The following FAM135A variants were observed in gnomAD, a reference collection of about 807,000 sequenced individuals.
The protein encoded by FAM135A is family with sequence similarity 135 member A.
Under a neutral mutation model 146.8 loss-of-function variants are expected in FAM135A, and 79 were observed. The observed-to-expected ratio is 0.54, with a 90% CI of 0.45 to 0.65. The LOEUF is 0.65. Among genes scored for constraint, FAM135A ranks in the 30% least tolerant of loss-of-function variants. FAM135A has a pLI of 0.00. For missense variants in FAM135A, 1,623 were observed against 1,758.2 expected, an observed-to-expected ratio of 0.92 and a Z score of 1.38; for synonymous variants, 562 against 603.6, an observed-to-expected ratio of 0.93 and a Z score of 1.01.
intron 4 of FAM135A, among the ~76,000 whole-genome samples, chr6:70,429,734 A>T (rs1484265899): frequency 6.6e-6 from 1 of 152,166 alleles, no homozygotes; most frequent in Non-Finnish European, 1.5e-5. Context: ...GCACTTACTA[A>T]CATGATGGAT....
chr6:70,450,313 T>A (rs1457823862), intron 4 of FAM135A, among the ~76,000 whole-genome samples: 4 of 152,186 alleles, frequency 2.6e-5, no homozygotes, highest in African/African-American at 9.7e-5. Flanking sequence ...TTGCCTATGT[T>A]TTTGGGGTTA....
At chr6:70,423,288 A>G (rs909798663) in intron 2 of FAM135A, among the ~76,000 whole-genome samples, 3 of 152,248 alleles carry the variant, frequency 2.0e-5, no homozygotes, top group African/African-American at 7.2e-5. Context: ...ATTGGAAGCC[A>G]CAGAGGGTTT....
intron 10 of FAM135A, among the ~76,000 whole-genome samples, chr6:70,489,899 A>G (rs1785538673): frequency 6.6e-6 from 1 of 152,110 alleles, no homozygotes. Flanking sequence ...GCCCAACCAC[A>G]AGGCCAGGTA....
At chr6:70,464,449 T>C (rs1334391598) in intron 5 of FAM135A, among the ~76,000 whole-genome samples, 1 of 152,134 alleles carries the variant, frequency 6.6e-6, no homozygotes, top group African/African-American at 2.4e-5. Flanking sequence ...GTGAAAAAGA[T>C]TAATGTGGTT....
intron 12 of FAM135A, among the ~76,000 whole-genome samples, chr6:70,514,727 G>A (rs956965667): frequency 2.4e-4 from 36 of 152,298 alleles, no homozygotes; most frequent in Admixed American, 5.2e-4. Flanking sequence ...TGGAGACTCA[G>A]TATGGACAGA....
Position 70,533,827 on chromosome 6 carries a change from T to G in FAM135A, c.3938T>G (p.Ile1313Arg). Residue 1313 changes from isoleucine to arginine, a missense_variant, in exon 18 of 22, where the codon ATA becomes AGA. Around this residue, in one of 7 missense-constraint regions of FAM135A, gnomAD observed 1,061 missense variants for 1,113.8 expected, o/e 0.95. Coordinates refer to ENST00000418814, the MANE Select transcript of FAM135A (RefSeq NM_001162529.3). ...LLDEIIQYIQ[I>R]YSLTVSKISF... is the part of the protein sequence containing the mutation. ...GATGAGATAATACAGTATATTCAGA[T>G]ATATAGTCTAACAGTCTCAAAAATA... The G allele has an allele frequency of 1.3e-6, 2 of 1,555,182 alleles. No individual in the cohort carries two copies. Among genetic ancestry groups the G allele is most frequent in the Non-Finnish European group, 1.7e-6 (2 of 1,151,812 alleles).
chr6:70,445,245 AG>A (rs1256341665), intron 4 of FAM135A, among the ~76,000 whole-genome samples: 1 of 152,230 alleles, frequency 6.6e-6, no homozygotes, highest in Non-Finnish European at 1.5e-5. Flanking sequence ...GCTCAGCAGC[AG>A]GAATGAGTAG....
At chr6:70,508,768 C>T (rs1448792389) in intron 12 of FAM135A, among the ~76,000 whole-genome samples, 1 of 152,118 alleles carries the variant, frequency 6.6e-6, no homozygotes, top group African/African-American at 2.4e-5. Context: ...AGATGAAATG[C>T]AGAATGCCCA....
chr6:70,443,469 C>T (rs9455109), intron 4 of FAM135A, among the ~76,000 whole-genome samples: 3,242 of 152,288 alleles, frequency 0.021, 109 homozygotes, highest in African/African-American at 0.074. Flanking sequence ...GTATAGTCTA[C>T]GTGTGTAGTA....
At chr6:70,426,119 A>AC (rs1554261991) in intron 2 of FAM135A, among the ~76,000 whole-genome samples, 1 of 150,342 alleles carries the variant, frequency 6.7e-6, no homozygotes. Context: ...CAAAAAAAAA[A>AC]AACAACAACA....
chr6:70,423,094 A>G (rs1237448837), intron 2 of FAM135A, among the ~76,000 whole-genome samples: 1 of 152,200 alleles, frequency 6.6e-6, no homozygotes, highest in Non-Finnish European at 1.5e-5. Flanking sequence ...TCCTGTGGAT[A>G]TCTGGAGAGA....
At position 70,526,483 on chromosome 6, in the gene FAM135A, A is replaced by G. The variant is rs774784876; in HGVS notation, c.3399A>G (p.Ile1133Met). 6.2e-7 allele frequency: 1 copy of G among 1,613,626 alleles called. No individual in the cohort carries two copies. The highest frequency in any genetic ancestry group is 2.2e-5 in the East Asian group (1 of 44,864). The change falls in exon 15 of 22, where the codon ATA becomes ATG. Residue 1133 changes from isoleucine (I) to methionine (M), a missense_variant. Coordinates refer to ENST00000418814, the MANE Select transcript of FAM135A (RefSeq NM_001162529.3). ...MEERLTKSEK[I>M]NSDYLRDGIN... is the part of the protein sequence containing the mutation. ...AAAGACTTACAAAATCTGAAAAAAT[A>G]AACAGTGACTATCTGAGAGATGGTA...
chr6:70,414,270 C>G (rs1766998879), intron 1 of FAM135A, among the ~76,000 whole-genome samples: 2 of 152,194 alleles, frequency 1.3e-5, no homozygotes, highest in South Asian at 4.1e-4. Context: ...TCATCCACCT[C>G]CTTTCGGTAC....
Position 70,524,613 on chromosome 6 carries a change from T to TA in FAM135A, c.1533dup (p.Gln512ThrfsTer4). 6.5e-7 allele frequency: 1 copy of TA among 1,544,070 alleles called. No homozygotes were observed. Among genetic ancestry groups the TA allele is most frequent in the Non-Finnish European group, 8.7e-7 (1 of 1,145,106 alleles). ...AAATCTGAAAACACAAAAAAATTAA[T>TA]AAAACAGAACTCTAAGGATTCTGTG... On this transcript the variant is annotated frameshift_variant, in exon 15 of 22. Transcript: ENST00000418814. LOFTEE classifies it high-confidence loss of function.
intron 4 of FAM135A, among the ~76,000 whole-genome samples, chr6:70,436,985 GA>G (rs1333134608): frequency 6.6e-6 from 1 of 152,138 alleles, no homozygotes; most frequent in African/African-American, 2.4e-5. Flanking sequence ...ATGTCTATAT[GA>G]AAATCAAAAC....
chr6:70,538,795 ATTATG>A (rs61314918), intron 20 of FAM135A, among the ~76,000 whole-genome samples: 9,375 of 135,890 alleles, frequency 0.069, 570 homozygotes, highest in African/African-American at 0.15. Context: ...CTACCTTCAT[ATTATG>A]TTATGTTATA....
chr6:70,441,292 A>T (rs564173714), intron 4 of FAM135A, among the ~76,000 whole-genome samples: 2 of 152,186 alleles, frequency 1.3e-5, no homozygotes, highest in South Asian at 2.1e-4. Flanking sequence ...GGAGGCTGAG[A>T]TGGGAGAATT....
rs113900681 is a variant in FAM135A at position 70,455,946 on chromosome 6, G to A, written c.157+3375G>A. 4.1e-3 allele frequency among the ~76,000 whole-genome samples: 621 copies of A among 152,192 alleles called. 2 individuals carry two copies. The highest frequency in any genetic ancestry group is 0.014 in the African/African-American group (600 of 41,522). On this transcript the variant is annotated intron_variant, in intron 5 of 21. Coordinates refer to ENST00000418814, the MANE Select transcript of FAM135A (RefSeq NM_001162529.3). ...GGCTCACTGCAACCTCCGCCTGCCGGGTTCAAGCAATTCTCTTGTCTCAGC... is the reference window on the plus strand; with the variant it reads ...GGCTCACTGCAACCTCCGCCTGCCGAGTTCAAGCAATTCTCTTGTCTCAGC...
chr6:70,484,404 A>G (rs1374806339), intron 10 of FAM135A, among the ~76,000 whole-genome samples: 3 of 152,240 alleles, frequency 2.0e-5, no homozygotes, highest in African/African-American at 7.2e-5. Context: ...TCTAAAAGGT[A>G]GTATGTTTAT....
Sources: gnomAD v4.1 joint callset for allele counts (sites outside exome capture counted in the v4.1 genomes callset) on GRCh38, gnomAD v4.1.1 for gene constraint, gnomAD v4.1.1 regional missense constraint, MANE v1.5 for transcripts, NCBI Gene and HGNC (gene_info 2026-07-23, HGNC 2026-07-21) for gene names.